RASSF4: variants seen among roughly 807,000 people sequenced by gnomAD.
The protein encoded by RASSF4 is Ras association domain family member 4, also known as ras association domain-containing protein 4.
In RASSF4, 38 loss-of-function variants were observed where a neutral mutation model predicts 41.1. The observed-to-expected ratio is 0.92, with a 90% CI of 0.71 to 1.21. RASSF4 has a LOEUF of 1.21. RASSF4 is among the 50% of genes most tolerant of loss of function. The probability of loss-of-function intolerance (pLI) is 0.00; values close to 1 mark genes in which losing one functional copy is unlikely to be tolerated. For missense variants in RASSF4, 414 were observed against 419.4 expected (o/e 0.99, Z 0.11); for synonymous variants, 179 against 163.4 (o/e 1.10, Z -0.73).
chr10:44,977,745 G>A, intron 3 of RASSF4: 2 of 1,602,816 alleles, frequency 1.2e-6, no homozygotes. Context: ...GCCATGGGCA[G>A]TGTGGGCTGC....
In RASSF4 at chr10:44,982,242, C is replaced by A. The variant is rs140270741; in HGVS notation, c.139-279C>A. The A allele has an allele frequency of 1.3e-3, 625 of 481,096 alleles. 8 individuals are homozygous for A. Among genetic ancestry groups the A allele is most frequent in the African/African-American group, 0.011 (551 of 48,608 alleles). The allele number at this position is 481,096 out of a possible 1,614,324, so 29.8% of individuals were successfully genotyped here. Reference sequence around the variant, plus strand: ...TTCACCGCGGTGTGGACGTGCCTGCCGGCCAGCAGCTGGCTTCCTGTGGGA... The same window carrying A: ...TTCACCGCGGTGTGGACGTGCCTGCAGGCCAGCAGCTGGCTTCCTGTGGGA... On this transcript the variant is annotated intron_variant, in intron 3 of 10. Transcript: ENST00000340258.
At chr10:44,977,341 A>G (rs1348050592) in intron 3 of RASSF4, 2 of 1,512,556 alleles carry the variant, frequency 1.3e-6, no homozygotes, top group Admixed American at 2.2e-5. Flanking sequence ...AGGAGACGAG[A>G]GGAGATGCAG....
At chr10:44,983,933 T>C in intron 4 of RASSF4, 89 bp from the exon 5 acceptor site, 9 of 1,548,836 alleles carry the variant, frequency 5.8e-6, no homozygotes, top group Non-Finnish European at 6.1e-6. Context: ...GCCTGTGTCC[T>C]ACCCCAGGGG....
At chr10:44,985,382 G>A (rs941552277) in intron 6 of RASSF4, among the ~76,000 whole-genome samples, 2 of 152,214 alleles carry the variant, frequency 1.3e-5, no homozygotes, top group African/African-American at 2.4e-5. Context: ...GAACCTGGAC[G>A]ACCCCAGATT....
chr10:44,986,185 A>T (rs76764010), intron 6 of RASSF4, among the ~76,000 whole-genome samples: 5,628 of 152,280 alleles, frequency 0.037, 359 homozygotes, highest in African/African-American at 0.13. Flanking sequence ...TACCAAAAAA[A>T]GGGTGGGGGC....
intron 1 of RASSF4, among the ~76,000 whole-genome samples, chr10:44,963,668 C>T (rs1006720344): frequency 1.3e-5 from 2 of 152,252 alleles, no homozygotes; most frequent in Admixed American, 6.5e-5. Context: ...CTTTCTTTTG[C>T]TTCCCAGGTC....
chr10:44,960,907 G>A (rs374160035), intron 1 of RASSF4, among the ~76,000 whole-genome samples: 1 of 150,790 alleles, frequency 6.6e-6, no homozygotes, highest in African/African-American at 2.5e-5. Flanking sequence ...TTTTTTTTAA[G>A]TTAGAAGTGA....
At chr10:44,987,186 C>T (rs1295579579) in intron 6 of RASSF4, among the ~76,000 whole-genome samples, 1 of 152,184 alleles carries the variant, frequency 6.6e-6, no homozygotes, top group African/African-American at 2.4e-5. Flanking sequence ...CTCACTGCAA[C>T]CTCCACCTCC....
At chr10:44,979,329 G>C (rs1157204912) in intron 3 of RASSF4, among the ~76,000 whole-genome samples, 1 of 152,170 alleles carries the variant, frequency 6.6e-6, no homozygotes, top group South Asian at 2.1e-4. Flanking sequence ...GGGTGCTTTC[G>C]GAGGATTTGT....
intron 1 of RASSF4, among the ~76,000 whole-genome samples, chr10:44,960,152 A>G (rs1840652150): frequency 6.6e-6 from 1 of 152,210 alleles, no homozygotes; most frequent in Non-Finnish European, 1.5e-5. Flanking sequence ...GTCCTTAACC[A>G]GTTTCCTAGA....
chr10:44,964,467 C>G (rs963705149), intron 1 of RASSF4, among the ~76,000 whole-genome samples: 5 of 152,250 alleles, frequency 3.3e-5, no homozygotes, highest in African/African-American at 1.2e-4. Context: ...CCGACTTGGC[C>G]TGTCCAGCTG....
chr10:44,973,517 C>T (rs911324513), intron 3 of RASSF4, among the ~76,000 whole-genome samples: 2 of 152,202 alleles, frequency 1.3e-5, no homozygotes, highest in African/African-American at 4.8e-5. Context: ...CACAGGTGGT[C>T]CAAGCACCAG....
intron 1 of RASSF4, among the ~76,000 whole-genome samples, chr10:44,964,574 C>T (rs1840832657): frequency 6.6e-6 from 1 of 152,204 alleles, no homozygotes; most frequent in South Asian, 2.1e-4. Context: ...TGCAGCCTCG[C>T]TTTAATCCAT....
intron 8 of RASSF4, among the ~76,000 whole-genome samples, chr10:44,989,946 C>T (rs909114612): frequency 2.6e-5 from 4 of 152,334 alleles, no homozygotes; most frequent in Non-Finnish European, 4.4e-5. Context: ...CTTTTGGCTT[C>T]GAATTTAAAG....
intron 1 of RASSF4, among the ~76,000 whole-genome samples, chr10:44,964,134 C>T (rs1564449207): frequency 6.6e-6 from 1 of 152,290 alleles, no homozygotes; most frequent in South Asian, 2.1e-4. Flanking sequence ...CGGCCTTTGT[C>T]CCTCAGTAGT....
chr10:44,976,001 G>A (rs1432111220), intron 3 of RASSF4: 1 of 152,136 alleles, frequency 6.6e-6, no homozygotes, highest in Admixed American at 6.5e-5. Flanking sequence ...GCCTTGGTGG[G>A]TGGGCCCTCT....
At chr10:44,989,537 G>A (rs1184940082) in intron 7 of RASSF4, 133 bp from the exon 8 acceptor site, 11 of 971,434 alleles carry the variant, frequency 1.1e-5, no homozygotes, top group African/African-American at 4.8e-5. Context: ...TCAAGCAAGA[G>A]GAGGTTGGGA....
In RASSF4 at chr10:44,970,136, T is replaced by C. The variant is rs1841088309; in HGVS notation, c.-38-29T>C. ...CTGGCCGGCACTCCTCTGGCTCACC[T>C]GTCTGTCCACCCTTCCTTGTCTTCC... is the stretch of plus-strand genomic sequence containing the variant. On this transcript the variant is annotated intron_variant, in intron 1 of 10. Transcript: ENST00000340258. The C allele has an allele frequency of 4.3e-6, 6 of 1,409,174 alleles. No individual in the cohort carries two copies. In the African/African-American group the frequency reaches 8.5e-5, roughly 20 times the overall value. The allele number at this position is 1,409,174 out of a possible 1,614,324, so 87.3% of individuals were successfully genotyped here.
At position 44,990,938 on chromosome 10, in the gene RASSF4, T is replaced by C. The variant is rs1295930506; in HGVS notation, c.686-10T>C. 1.2e-6 allele frequency: 2 copies of C among 1,609,832 alleles called. No homozygotes were observed. Among genetic ancestry groups the C allele is most frequent in the East Asian group, 4.5e-5 (2 of 44,744 alleles). On this transcript the variant is annotated splice_polypyrimidine_tract_variant and intron_variant, in intron 8 of 10. Coordinates refer to ENST00000340258, the MANE Select transcript of RASSF4 (RefSeq NM_032023.4). The stretch of plus-strand genomic sequence containing the variant: ...CTCCCGTGATTTTTGTAAACCACCT[T>C]CTTTTTCAGAGCGGACAAAATTAAA...
Sources: allele counts gnomAD v4.1 joint callset (sites outside exome capture counted in the v4.1 genomes callset), GRCh38; gene constraint gnomAD v4.1.1; transcripts MANE v1.5; gene names NCBI Gene and HGNC (gene_info 2026-07-23, HGNC 2026-07-21).